CACNA1S: variants seen among roughly 807,000 people sequenced by gnomAD.
CACNA1S encodes the protein voltage-dependent L-type calcium channel subunit alpha-1S.
A neutral mutation model predicts 207.4 loss-of-function variants in CACNA1S; 126 were observed. That is an observed-to-expected ratio of 0.61 (90% CI 0.53 to 0.70). The LOEUF (loss-of-function observed/expected upper bound fraction) is 0.70. Among genes scored for constraint, CACNA1S ranks in the 30% least tolerant of loss-of-function variants. CACNA1S has a pLI of 0.00. For synonymous variants in CACNA1S, 960 were observed against 932.7 expected, an observed-to-expected ratio of 1.03 and a Z score of -0.53; for missense variants, 2,349 against 2,422.8, an observed-to-expected ratio of 0.97 and a Z score of 0.64.
At chr1:201,110,521 G>T (rs1271804565) in intron 1 of CACNA1S, among the ~76,000 whole-genome samples, 1 of 152,184 alleles carries the variant, frequency 6.6e-6, no homozygotes, top group East Asian at 1.9e-4. Flanking sequence ...GAATGGCAAA[G>T]GTCTGGTCCC....
intron 12 of CACNA1S, among the ~76,000 whole-genome samples, chr1:201,076,502 C>A (rs941838075): frequency 6.6e-6 from 1 of 152,262 alleles, no homozygotes; most frequent in East Asian, 1.9e-4. Flanking sequence ...GGCTGTGCCG[C>A]CCCTGCAGAG....
rs189129662 is a variant in CACNA1S at position 201,078,103 on chromosome 1, G to A, written c.1395C>T (p.Asp465=). Residue 465 remains aspartate, a splice_region_variant and synonymous_variant, in exon 11 of 44, where the codon GAC becomes GAT. Transcript: ENST00000362061. ...GGGACAGCAGCACCCGGTTGGCAATGTCTGTAGGGTTGGTGGCACAGCCCC... is the reference window on the plus strand; with the variant it reads ...GGGACAGCAGCACCCGGTTGGCAATATCTGTAGGGTTGGTGGCACAGCCCC... ...NQPLWLTRLQ[D]IANRVLLSLF... 1.4e-4 allele frequency: 230 copies of A among 1,612,428 alleles called. 1 individual carries two copies. In the East Asian group the frequency reaches 2.6e-3, roughly 18 times the overall value.
At chr1:201,055,071 G>A (rs544203970) in intron 28 of CACNA1S, among the ~76,000 whole-genome samples, 12 of 152,304 alleles carry the variant, frequency 7.9e-5, no homozygotes, top group South Asian at 6.2e-4. Context: ...CTCTGTCCAG[G>A]ACTGGACCTG....
chr1:201,098,022 A>G (rs895210987), intron 2 of CACNA1S, among the ~76,000 whole-genome samples: 1 of 152,082 alleles, frequency 6.6e-6, no homozygotes, highest in African/African-American at 2.4e-5. Flanking sequence ...CTCACCCCCC[A>G]ACTGTCTATC....
intron 1 of CACNA1S, 23 bp from the exon 2 acceptor site, chr1:201,110,292 C>A: frequency 6.2e-7 from 1 of 1,606,288 alleles, no homozygotes; most frequent in Non-Finnish European, 8.5e-7. Flanking sequence ...TTAAGGAGAG[C>A]CCTCGAGTGA....
rs539403285 is a variant in CACNA1S, at chr1:201,070,264, G to A, written c.2360+8C>T. 4 of 1,613,876 alleles carry A rather than the reference G, an allele frequency of 2.5e-6. No individual in the cohort carries two copies. The African/African-American group carries it at 5.3e-5, about 22-fold the overall frequency. On this transcript the variant is annotated splice_region_variant and intron_variant, in intron 17 of 43. Coordinates refer to ENST00000362061, the MANE Select transcript of CACNA1S (RefSeq NM_000069.3). ...CAATCACCCCCACAGCAGCCAAGGGGCACCCACTTATTGGTGGGGCTGAAG... is the reference window on the plus strand; with the variant it reads ...CAATCACCCCCACAGCAGCCAAGGGACACCCACTTATTGGTGGGGCTGAAG...
chr1:201,099,495 G>A (rs1323683119), intron 2 of CACNA1S, among the ~76,000 whole-genome samples: 1 of 152,230 alleles, frequency 6.6e-6, no homozygotes, highest in Non-Finnish European at 1.5e-5. Flanking sequence ...TTCAAGGCAT[G>A]GTGACCTGCT....
intron 19 of CACNA1S, among the ~76,000 whole-genome samples, chr1:201,068,622 C>T (rs1352755968): frequency 1.3e-5 from 2 of 151,644 alleles, no homozygotes; most frequent in Non-Finnish European, 2.9e-5. Flanking sequence ...CCTGTAATCC[C>T]AGCACTTTGG....
At chr1:201,106,812 C>A (rs1054514837) in intron 2 of CACNA1S, among the ~76,000 whole-genome samples, 2 of 152,188 alleles carry the variant, frequency 1.3e-5, no homozygotes, top group African/African-American at 2.4e-5. Flanking sequence ...TAGTGGACAT[C>A]CGGCACCCAA....
Position 201,043,340 on chromosome 1 carries a change from A to G in CACNA1S, c.4989T>C (p.Asn1663=). The G allele has an allele frequency of 6.2e-7, 1 of 1,614,152 alleles. No individual in the cohort carries two copies. Among genetic ancestry groups the G allele is most frequent in the Non-Finnish European group, 8.5e-7 (1 of 1,180,020 alleles). Residue 1663 remains asparagine, a synonymous_variant, in exon 40 of 44, where the codon AAT becomes AAC. Transcript: ENST00000362061. ...TNPLARANTN[N]ANANVAYGNS... ...TGCCATAGGCGACATTGGCGTTGGC[A>G]TTGTTGGTATTGGCACGAGCCAGGG...
chr1:201,040,514 G>T, intron 42 of CACNA1S, 108 bp downstream of exon 42: 3 of 1,402,326 alleles, frequency 2.1e-6, no homozygotes, highest in Non-Finnish European at 1.0e-6. Flanking sequence ...CTTCTGTACT[G>T]TTGGACACAT....
In CACNA1S at chr1:201,039,636, G is replaced by A; in HGVS notation, c.*195C>T. On this transcript the variant is annotated 3_prime_UTR_variant, in exon 44 of 44. Coordinates refer to ENST00000362061, the MANE Select transcript of CACNA1S (RefSeq NM_000069.3). ...CTCCATCCAATCATGCCTCTTGCTG[G>A]TGAGGGGCAGGGCCTGTCCAGCTAC... 1.5e-6 allele frequency: 1 copy of A among 656,460 alleles called. No individual in the cohort carries two copies. 40.7% of individuals were successfully genotyped at this position (656,460 alleles called of 1,614,324 possible).
At chr1:201,099,337 C>A (rs1662555676) in intron 2 of CACNA1S, among the ~76,000 whole-genome samples, 1 of 152,196 alleles carries the variant, frequency 6.6e-6, no homozygotes, top group African/African-American at 2.4e-5. Context: ...CTGGGATCTA[C>A]AGAGCTCACT....
intron 3 of CACNA1S, 120 bp downstream of exon 3, chr1:201,093,762 T>C: frequency 1.6e-6 from 2 of 1,251,950 alleles, no homozygotes; most frequent in East Asian, 2.3e-5. Flanking sequence ...GGCTGCTCCA[T>C]GCAGTGGTTA....
chr1:201,111,317 A>G (rs1276012722), intron 1 of CACNA1S, among the ~76,000 whole-genome samples: 1 of 151,762 alleles, frequency 6.6e-6, no homozygotes, highest in Admixed American at 6.6e-5. Flanking sequence ...GCCTTCCAGA[A>G]CTCTTCAGAA....
At chr1:201,077,837 C>T (rs1226009786) in intron 11 of CACNA1S, 42 bp downstream of exon 11, 2 of 1,426,082 alleles carry the variant, frequency 1.4e-6, no homozygotes, top group Non-Finnish European at 9.9e-7. Flanking sequence ...GCCCGTGGTG[C>T]CTGCCGGGGA....
chr1:201,078,135 A>G lies in CACNA1S; in HGVS notation c.1394-31T>C, dbSNP rs1448649883. 2.0e-6 allele frequency: 3 copies of G among 1,533,090 alleles called. No homozygotes were observed. In the South Asian group the frequency reaches 3.4e-5, roughly 17 times the overall value. 95.0% of individuals were successfully genotyped at this position (1,533,090 alleles called of 1,614,324 possible). On this transcript the variant is annotated intron_variant, in intron 10 of 43. Transcript: ENST00000362061. ...GGGTTGGTGGCACAGCCCCGGCATCACTCTCCTTCCCTTCTCCTGACTCCC... is the reference window on the plus strand; with the variant it reads ...GGGTTGGTGGCACAGCCCCGGCATCGCTCTCCTTCCCTTCTCCTGACTCCC...
At chr1:201,042,811 C>A in intron 40 of CACNA1S, 3 of 179,810 alleles carry the variant, frequency 1.7e-5, no homozygotes, top group Non-Finnish European at 2.4e-5. Context: ...CCCCCTCATC[C>A]TGCTGTTTTT....
chr1:201,047,346 G>A (rs1660504191), intron 37 of CACNA1S, 107 bp from the exon 38 acceptor site: 2 of 1,495,136 alleles, frequency 1.3e-6, no homozygotes, highest in East Asian at 4.6e-5. Flanking sequence ...GCAATCCTTT[G>A]TCTTGCTGAC....
Sources: allele counts gnomAD v4.1 joint callset (sites outside exome capture counted in the v4.1 genomes callset), GRCh38; gene constraint gnomAD v4.1.1; transcripts MANE v1.5; gene names NCBI Gene and HGNC (gene_info 2026-07-23, HGNC 2026-07-21).